The following ARHGAP20 variants were observed in gnomAD, a reference collection of about 807,000 sequenced individuals.
ARHGAP20 encodes the protein rho GTPase-activating protein 20.
A neutral mutation model predicts 73.7 loss-of-function variants in ARHGAP20; 34 were observed. That is an observed-to-expected ratio of 0.46 (90% confidence interval 0.35 to 0.61). ARHGAP20 has a LOEUF of 0.61. Ranked by LOEUF, ARHGAP20 falls within the 20% of genes least tolerant of loss-of-function variation. The probability of loss-of-function intolerance (pLI) is 0.00; values close to 1 mark genes in which losing one functional copy is unlikely to be tolerated. For missense variants in ARHGAP20, 1,314 were observed against 1,420.9 expected, an observed-to-expected ratio of 0.92 and a Z score of 1.21; for synonymous variants, 523 against 518.2, an observed-to-expected ratio of 1.01 and a Z score of -0.13.
Position 110,579,411 on chromosome 11 carries a change from C to G in ARHGAP20, c.3535G>C (p.Val1179Leu), listed in dbSNP as rs780740445. 35 of 1,609,198 alleles carry G rather than the reference C, an allele frequency of 2.2e-5. No homozygotes were observed. The highest frequency in any genetic ancestry group is 3.4e-6 in the Non-Finnish European group (4 of 1,176,006). ...ATSPDSGPTV[V>L]CDIEDRYLTK... The stretch of plus-strand genomic sequence containing the variant: ...AAATACCTGTCCTCAATGTCGCAGA[C>G]CACTGTAGGCCCTGAGTCTGGGCTG... The change falls in exon 15 of 15, where the codon GTC (valine) becomes CTC (leucine). Residue 1179 changes from valine (V) to leucine (L), a missense_variant. This residue lies in a region of ARHGAP20 where 641 missense variants were observed against 636.9 expected (regional missense o/e 1.01). Coordinates refer to ENST00000683387, the MANE Select transcript of ARHGAP20 (RefSeq NM_001384657.1).
At chr11:110,695,410 T>A (rs929444880) in intron 1 of ARHGAP20, among the ~76,000 whole-genome samples, 3 of 151,508 alleles carry the variant, frequency 2.0e-5, no homozygotes, top group Non-Finnish European at 4.4e-5. Flanking sequence ...ACACACAGAA[T>A]GGGAAAGCTT....
At chr11:110,585,609 T>C (rs748180853) in intron 12 of ARHGAP20, among the ~76,000 whole-genome samples, 1 of 152,196 alleles carries the variant, frequency 6.6e-6, no homozygotes, top group Admixed American at 6.5e-5. Flanking sequence ...TCTCTTATAA[T>C]GCAGGAAAAG....
chr11:110,690,129 AAT>A (rs1950213830), intron 2 of ARHGAP20, among the ~76,000 whole-genome samples: 1 of 152,182 alleles, frequency 6.6e-6, no homozygotes, highest in African/African-American at 2.4e-5. Flanking sequence ...AAATAATCAT[AAT>A]ATGGTTATCT....
chr11:110,588,334 A>G (rs1947727455), intron 11 of ARHGAP20, among the ~76,000 whole-genome samples: 1 of 152,226 alleles, frequency 6.6e-6, no homozygotes, highest in South Asian at 2.1e-4. Flanking sequence ...ACTTTTCCTC[A>G]ACGGTTTGAT....
intron 9 of ARHGAP20, among the ~76,000 whole-genome samples, chr11:110,594,256 C>G (rs922316406): frequency 5.9e-5 from 9 of 152,174 alleles, no homozygotes; most frequent in Admixed American, 4.6e-4. Flanking sequence ...TGTACACACA[C>G]AGGTATGTAA....
At chr11:110,620,512 A>G (rs1948606168) in intron 4 of ARHGAP20, among the ~76,000 whole-genome samples, 1 of 152,102 alleles carries the variant, frequency 6.6e-6, no homozygotes. Flanking sequence ...TTAACCTGCT[A>G]CCTGATGGAA....
chr11:110,690,058 C>T (rs892002115), intron 2 of ARHGAP20, among the ~76,000 whole-genome samples: 2 of 151,838 alleles, frequency 1.3e-5, no homozygotes, highest in Admixed American at 6.6e-5. Flanking sequence ...CTGATTTTTC[C>T]ACTTTGAATT....
chr11:110,595,182 A>G (rs1947925318), intron 9 of ARHGAP20, among the ~76,000 whole-genome samples: 1 of 152,048 alleles, frequency 6.6e-6, no homozygotes, highest in Non-Finnish European at 1.5e-5. Flanking sequence ...CCCACAGCCA[A>G]TATCATACTG....
At chr11:110,609,072 TG>T (rs1948303848) in intron 7 of ARHGAP20, 22 bp from the exon 8 acceptor site, 1 of 1,602,080 alleles carries the variant, frequency 6.2e-7, no homozygotes, top group Non-Finnish European at 8.5e-7. Context: ...AAGAGTTAAA[TG>T]TCACAATAAA....
rs904344387 is a variant in ARHGAP20, at chr11:110,712,383, C to T, written c.-152G>A. The T allele has an allele frequency of 4.2e-6, 2 of 480,150 alleles. No homozygotes were observed. The highest frequency in any genetic ancestry group is 2.0e-5 in the African/African-American group (1 of 48,998). The allele number at this position is 480,150 out of a possible 1,614,324, so 29.7% of individuals were successfully genotyped here. On this transcript the variant is annotated 5_prime_UTR_variant, in exon 1 of 15. Transcript: ENST00000683387. ...CTCCGGGTGCTCGCCGCGCGCCTCC[C>T]GTCGGGGCCATGTACCTCCGCCTGC... is the stretch of plus-strand genomic sequence containing the variant.
At chr11:110,704,714 A>C (rs1454018504) in intron 1 of ARHGAP20, among the ~76,000 whole-genome samples, 1 of 152,168 alleles carries the variant, frequency 6.6e-6, no homozygotes, top group African/African-American at 2.4e-5. Flanking sequence ...TTTGTTTCAG[A>C]AAACTGTTGT....
chr11:110,649,201 C>CTT (rs869156175), intron 2 of ARHGAP20, among the ~76,000 whole-genome samples: 399 of 86,880 alleles, frequency 4.6e-3, no homozygotes, highest in African/African-American at 8.3e-3. Context: ...ATTATTAAAC[C>CTT]TTTTTTTTTT....
chr11:110,709,383 A>G (rs1950605802), intron 1 of ARHGAP20, among the ~76,000 whole-genome samples: 1 of 152,222 alleles, frequency 6.6e-6, no homozygotes, highest in South Asian at 2.1e-4. Context: ...AGGCAGCCCT[A>G]AGCAATACAG....
At chr11:110,635,583 T>C (rs924259725) in intron 2 of ARHGAP20, among the ~76,000 whole-genome samples, 1 of 152,126 alleles carries the variant, frequency 6.6e-6, no homozygotes, top group African/African-American at 2.4e-5. Context: ...CAGCTATAGC[T>C]ACCCCTTTCA....
intron 9 of ARHGAP20, among the ~76,000 whole-genome samples, chr11:110,598,909 G>A (rs1213555424): frequency 6.6e-6 from 1 of 152,148 alleles, no homozygotes; most frequent in African/African-American, 2.4e-5. Context: ...CCCGGGTGGA[G>A]GTGCAGCCAT....
At chr11:110,644,589 GCT>G (rs1949146928) in intron 2 of ARHGAP20, among the ~76,000 whole-genome samples, 1 of 152,102 alleles carries the variant, frequency 6.6e-6, no homozygotes, top group Non-Finnish European at 1.5e-5. Flanking sequence ...GGGACAGCTG[GCT>G]ATCCATATGT....
In ARHGAP20 at chr11:110,581,065, C is replaced by T; in HGVS notation, c.1881G>A (p.Gln627=). 1 of 1,614,212 alleles carries T rather than the reference C, an allele frequency of 6.2e-7. No individual in the cohort carries two copies. Among genetic ancestry groups the T allele is most frequent in the Admixed American group, 1.7e-5 (1 of 60,030 alleles). Residue 627 remains glutamine, a synonymous_variant, in exon 15 of 15, where the codon CAG becomes CAA. Transcript: ENST00000683387. ...VLTLSDYDLD[Q]PEVEGLLTLS... ...GGGTTAAAAGGCCTTCCACCTCGGG[C>T]TGGTCAAGATCATAGTCACTGAGGG... is the stretch of plus-strand genomic sequence containing the variant.
chr11:110,625,033 T>A (rs1256936651), intron 3 of ARHGAP20, among the ~76,000 whole-genome samples: 1,800 of 69,198 alleles, frequency 0.026, 31 homozygotes, highest in African/African-American at 0.086. Flanking sequence ...TTTATTTTTA[T>A]TTTTTTTTTT....
chr11:110,581,294 C>T, intron 14 of ARHGAP20, 69 bp from the exon 15 acceptor site: 1 of 1,421,036 alleles, frequency 7.0e-7, no homozygotes, highest in South Asian at 1.4e-5. Flanking sequence ...TCCTTAAGAA[C>T]AAATTCTCTT....
Sources: allele counts gnomAD v4.1 joint callset (sites outside exome capture counted in the v4.1 genomes callset), GRCh38; gene constraint gnomAD v4.1.1; regional missense constraint gnomAD v4.1.1; transcripts MANE v1.5; gene names NCBI Gene and HGNC (gene_info 2026-07-23, HGNC 2026-07-21).